ANK3: variants seen among roughly 807,000 people sequenced by gnomAD.
ANK3 encodes ankyrin 3.
In ANK3, 57 loss-of-function variants were observed where a neutral mutation model predicts 370.9. The observed-to-expected ratio is 0.15, with a 90% CI of 0.12 to 0.19. The LOEUF (loss-of-function observed/expected upper bound fraction) is 0.19, where lower values mean the gene tolerates loss of function less well. ANK3 is among the 10% of genes least tolerant of loss of function. The pLI, the probability that ANK3 is intolerant of heterozygous loss-of-function variation, is 1.00. For synonymous variants in ANK3, 1,929 were observed against 1,946.3 expected, an observed-to-expected ratio of 0.99 and a Z score of 0.23; for missense variants, 4,439 against 5,302.1, an observed-to-expected ratio of 0.84 and a Z score of 5.06.
At chr10:60,540,404 A>G (rs753885169) in intron 2 of ANK3, among the ~76,000 whole-genome samples, 2 of 151,882 alleles carry the variant, frequency 1.3e-5, no homozygotes, top group African/African-American at 2.4e-5. Flanking sequence ...GATCCATGAA[A>G]TTCATCTGGA....
intron 2 of ANK3, among the ~76,000 whole-genome samples, chr10:60,535,258 T>C (rs1761456670): frequency 2.0e-5 from 3 of 152,060 alleles, no homozygotes; most frequent in African/African-American, 7.2e-5. Flanking sequence ...AGGTCAGAAA[T>C]GAAACCAATA....
intron 42 of ANK3, chr10:60,044,289 T>C: frequency 1.0e-6 from 1 of 985,054 alleles, no homozygotes; most frequent in Middle Eastern, 5.2e-4. Context: ...GGTTGCCTTC[T>C]TCATCAGTAA....
intron 24 of ANK3, among the ~76,000 whole-genome samples, chr10:60,138,209 A>C (rs2094435568): frequency 6.6e-6 from 1 of 152,202 alleles, no homozygotes; most frequent in Admixed American, 6.5e-5. Context: ...ACTATAGGAA[A>C]ATGTCCTCAG....
At chr10:60,053,509 T>C (rs1203909308) in intron 42 of ANK3, among the ~76,000 whole-genome samples, 1 of 152,194 alleles carries the variant, frequency 6.6e-6, no homozygotes, top group Non-Finnish European at 1.5e-5. Context: ...CTGGAATCTC[T>C]GCTAACCTTA....
At position 60,389,556 on chromosome 10, in the gene ANK3, C is replaced by A. The variant is rs780034277; in HGVS notation, c.-18G>T. The A allele has an allele frequency of 7.4e-6, 12 of 1,613,032 alleles. No homozygotes were observed. Among genetic ancestry groups the A allele is most frequent in the Non-Finnish European group, 9.3e-6 (11 of 1,179,690 alleles). On this transcript the variant is annotated 5_prime_UTR_variant, in exon 1 of 44. Transcript: ENST00000280772. Reference sequence around the variant, plus strand: ...TGAGCCATAATGCATTTAAAAAGATCCTCTCAAGCACACACGGCTTCCTTG... The same window carrying A: ...TGAGCCATAATGCATTTAAAAAGATACTCTCAAGCACACACGGCTTCCTTG...
At chr10:60,282,792 C>T (rs138313455) in intron 1 of ANK3, among the ~76,000 whole-genome samples, 1 of 152,236 alleles carries the variant, frequency 6.6e-6, no homozygotes, top group East Asian at 1.9e-4. Context: ...TATCAACATG[C>T]TTACCACACC....
At chr10:60,099,653 C>G (rs530269575) in intron 28 of ANK3, among the ~76,000 whole-genome samples, 1 of 152,254 alleles carries the variant, frequency 6.6e-6, no homozygotes, top group East Asian at 1.9e-4. Flanking sequence ...CTATATGTCA[C>G]TTTTTTCACC....
intron 1 of ANK3, among the ~76,000 whole-genome samples, chr10:60,663,620 G>T (rs138145854): frequency 6.6e-6 from 1 of 152,164 alleles, no homozygotes; most frequent in Non-Finnish European, 1.5e-5. Flanking sequence ...CACAGAATAC[G>T]TCTGATAATA....
At chr10:60,430,001 T>A (rs1450305453) in intron 2 of ANK3, among the ~76,000 whole-genome samples, 1 of 152,234 alleles carries the variant, frequency 6.6e-6, no homozygotes, top group Admixed American at 6.5e-5. Context: ...ATATTTATCC[T>A]ATGTGGATGC....
intron 2 of ANK3, among the ~76,000 whole-genome samples, chr10:60,435,197 C>T (rs1449901668): frequency 6.6e-6 from 1 of 152,072 alleles, no homozygotes; most frequent in Non-Finnish European, 1.5e-5. Context: ...CGGGTTGAAT[C>T]TGTTTTCCTT....
chr10:60,562,248 A>C (rs1595282933), intron 2 of ANK3, among the ~76,000 whole-genome samples: 1 of 152,258 alleles, frequency 6.6e-6, no homozygotes. Flanking sequence ...TGCATTCAGC[A>C]AATTGCTTAA....
chr10:60,190,635 T>C (rs1447917834), intron 16 of ANK3, among the ~76,000 whole-genome samples: 1 of 152,182 alleles, frequency 6.6e-6, no homozygotes, highest in Non-Finnish European at 1.5e-5. Flanking sequence ...AAAGTAAATT[T>C]GGCAACCCAG....
chr10:60,663,684 T>G (rs951362702), intron 1 of ANK3, among the ~76,000 whole-genome samples: 5 of 152,222 alleles, frequency 3.3e-5, no homozygotes, highest in African/African-American at 1.2e-4. Context: ...AGAACTTATA[T>G]GTAAAGGCAC....
At position 60,233,916 on chromosome 10, in the gene ANK3, A is replaced by G. The variant is rs927247988; in HGVS notation, c.897+772T>C. ...TCAAATAACTATTTCCTCTACCCCCAGTCCCTGCCAACTACCATACTACTT... is the reference window on the plus strand; with the variant it reads ...TCAAATAACTATTTCCTCTACCCCCGGTCCCTGCCAACTACCATACTACTT... On this transcript the variant is annotated intron_variant, in intron 8 of 43. Coordinates refer to ENST00000280772, the MANE Select transcript of ANK3 (RefSeq NM_020987.5). 2.6e-5 allele frequency among the ~76,000 whole-genome samples: 4 copies of G among 152,260 alleles called. No homozygotes were observed. The East Asian group carries it at 5.8e-4, about 22-fold the overall frequency.
At chr10:60,195,439 T>A (rs1306128128) in intron 16 of ANK3, among the ~76,000 whole-genome samples, 1 of 149,750 alleles carries the variant, frequency 6.7e-6, no homozygotes, top group Non-Finnish European at 1.5e-5. Flanking sequence ...TCAATGGTCC[T>A]CCAACCAATA....
At chr10:60,677,113 G>C (rs1324846039) in intron 1 of ANK3, among the ~76,000 whole-genome samples, 1 of 152,194 alleles carries the variant, frequency 6.6e-6, no homozygotes, top group Non-Finnish European at 1.5e-5. Context: ...TCCCAGAGCA[G>C]AGGGTGGCCA....
At chr10:60,395,990 G>T (rs1169279266) in intron 2 of ANK3, among the ~76,000 whole-genome samples, 1 of 152,068 alleles carries the variant, frequency 6.6e-6, no homozygotes, top group African/African-American at 2.4e-5. Context: ...GTGACCCCTT[G>T]ATATTCTAGT....
intron 7 of ANK3, among the ~76,000 whole-genome samples, chr10:60,248,676 TAAC>T (rs2097593846): frequency 6.6e-6 from 1 of 152,168 alleles, no homozygotes; most frequent in African/African-American, 2.4e-5. Context: ...TTCATCTCCA[TAAC>T]AACACATGAA....
intron 1 of ANK3, among the ~76,000 whole-genome samples, chr10:60,658,750 T>C (rs2078898685): frequency 6.6e-6 from 1 of 151,868 alleles, no homozygotes; most frequent in Non-Finnish European, 1.5e-5. Flanking sequence ...GTAGCAACTC[T>C]GGATTGTGTT....
Sources: gnomAD v4.1 joint callset for allele counts (sites outside exome capture counted in the v4.1 genomes callset) on GRCh38, gnomAD v4.1.1 for gene constraint, MANE v1.5 for transcripts, NCBI Gene and HGNC (gene_info 2026-07-23, HGNC 2026-07-21) for gene names.